HCN1: variants seen among roughly 807,000 people sequenced by gnomAD.
HCN1 encodes the protein potassium/sodium hyperpolarization-activated cyclic nucleotide-gated channel 1.
HCN1 carries 13 observed loss-of-function variants against 78.9 expected under a neutral mutation model. The observed-to-expected ratio is 0.16, with a 90% CI of 0.11 to 0.26. The LOEUF is 0.26. HCN1 is among the 10% of genes least tolerant of loss of function. The pLI is 1.00. For synonymous variants in HCN1, 552 were observed against 455.5 expected (o/e 1.21, Z -2.70); for missense variants, 810 against 1,154.3 (o/e 0.70, Z 4.32).
intron 5 of HCN1, among the ~76,000 whole-genome samples, chr5:45,311,716 C>G (rs2111917407): frequency 6.6e-6 from 1 of 152,286 alleles, no homozygotes; most frequent in South Asian, 2.1e-4. Flanking sequence ...CAGTAATATT[C>G]TTTGCATAAG....
At chr5:45,535,323 C>T (rs1224002732) in intron 2 of HCN1, among the ~76,000 whole-genome samples, 1 of 152,116 alleles carries the variant, frequency 6.6e-6, no homozygotes, top group Non-Finnish European at 1.5e-5. Context: ...GCAGGCTGGG[C>T]ATGGTGGCTC....
intron 2 of HCN1, among the ~76,000 whole-genome samples, chr5:45,552,353 AATATGG>A (rs1200118691): frequency 6.6e-6 from 1 of 151,984 alleles, no homozygotes; most frequent in African/African-American, 2.4e-5. Flanking sequence ...GAACTCGCAT[AATATGG>A]TAGTCAACAA....
intron 2 of HCN1, among the ~76,000 whole-genome samples, chr5:45,627,615 T>C (rs1745194298): frequency 6.6e-6 from 1 of 152,194 alleles, no homozygotes; most frequent in East Asian, 1.9e-4. Flanking sequence ...GTCAAAATAA[T>C]ACCTATCATG....
chr5:45,323,726 C>T lies in HCN1; in HGVS notation c.1378-19887G>A, dbSNP rs546321508. On this transcript the variant is annotated intron_variant, in intron 5 of 7. Coordinates refer to ENST00000303230, the MANE Select transcript of HCN1 (RefSeq NM_021072.4). Reference sequence around the variant, plus strand: ...GCTATCCCTCCCCCATCCCCCAACCCCACGACAGGCCCGGTGTGTGATGTT... The same window carrying T: ...GCTATCCCTCCCCCATCCCCCAACCTCACGACAGGCCCGGTGTGTGATGTT... Among the ~76,000 whole-genome samples, 275 of 151,998 alleles carry T rather than the reference C, an allele frequency of 1.8e-3. 1 individual carries two copies. The highest frequency in any genetic ancestry group is 6.6e-3 in the African/African-American group (272 of 41,492).
At position 45,369,199 on chromosome 5, in the gene HCN1, T is replaced by C. The variant is rs375348638; in HGVS notation, c.1231-15953A>G. Among the ~76,000 whole-genome samples, 45 of 152,204 alleles carry C rather than the reference T, an allele frequency of 3.0e-4. No individual in the cohort carries two copies. The East Asian group carries it at 7.3e-3, about 25-fold the overall frequency. On this transcript the variant is annotated intron_variant, in intron 4 of 7. Transcript: ENST00000303230. ...TATTTCTGAATAATATTCCTGGATCTACTTTTATAATGTATTTACCTGTTC... is the reference window on the plus strand; with the variant it reads ...TATTTCTGAATAATATTCCTGGATCCACTTTTATAATGTATTTACCTGTTC...
intron 1 of HCN1, among the ~76,000 whole-genome samples, chr5:45,692,566 G>C (rs1443516678): frequency 6.6e-6 from 1 of 152,112 alleles, no homozygotes; most frequent in Non-Finnish European, 1.5e-5. Context: ...TATACTATTG[G>C]ACTGCTTTTT....
At chr5:45,373,527 CATACATTATATAGGTCATCTATAATATAT>C (rs1202677908) in intron 4 of HCN1, among the ~76,000 whole-genome samples, 1 of 139,890 alleles carries the variant, frequency 7.1e-6, no homozygotes, top group African/African-American at 2.6e-5. Context: ...ATATATATTA[CATACATTATATAGGTCATCTATAATATAT>C]ATTACATACA....
At position 45,303,624 on chromosome 5, in the gene HCN1, C is replaced by T; in HGVS notation, c.1593G>A (p.Lys531=). The change falls in exon 6 of 8, where the codon AAG becomes AAA. Residue 531 remains lysine, a synonymous_variant. Coordinates refer to ENST00000303230, the MANE Select transcript of HCN1 (RefSeq NM_021072.4). ...CTCCAAAGTAAGAGCCATCTGTCAG[C>T]TTCATTTCTTTACTGGATTTTGTAA... ...GVITKSSKEM[K]LTDGSYFGEI... The T allele has an allele frequency of 1.9e-6, 3 of 1,613,402 alleles. No individual in the cohort carries two copies. Among genetic ancestry groups the T allele is most frequent in the Non-Finnish European group, 2.5e-6 (3 of 1,179,636 alleles).
At chr5:45,533,060 A>G (rs1742892063) in intron 2 of HCN1, among the ~76,000 whole-genome samples, 1 of 152,180 alleles carries the variant, frequency 6.6e-6, no homozygotes, top group Non-Finnish European at 1.5e-5. Flanking sequence ...TCTGACAGCT[A>G]AGATTTCGAG....
intron 2 of HCN1, among the ~76,000 whole-genome samples, chr5:45,631,242 C>T (rs966481638): frequency 5.9e-5 from 9 of 152,148 alleles, no homozygotes; most frequent in African/African-American, 2.2e-4. Flanking sequence ...CTCTGACTCC[C>T]AGTTACTTGG....
At chr5:45,659,113 G>A (rs937411578) in intron 1 of HCN1, among the ~76,000 whole-genome samples, 69 of 152,098 alleles carry the variant, frequency 4.5e-4, no homozygotes, top group African/African-American at 1.3e-3. Flanking sequence ...ATCTGAGAAC[G>A]GGCAGACTGC....
chr5:45,686,136 A>T (rs965140022), intron 1 of HCN1, among the ~76,000 whole-genome samples: 1 of 151,542 alleles, frequency 6.6e-6, no homozygotes, highest in Non-Finnish European at 1.5e-5. Flanking sequence ...TTTTTCTATT[A>T]TAATTGAGAA....
intron 2 of HCN1, among the ~76,000 whole-genome samples, chr5:45,583,501 A>G (rs997737124): frequency 6.6e-6 from 1 of 152,032 alleles, no homozygotes; most frequent in Admixed American, 6.6e-5. Flanking sequence ...GAGTTTTTGA[A>G]GGGTTTTTTG....
chr5:45,385,708 G>T (rs559928261), intron 4 of HCN1, among the ~76,000 whole-genome samples: 1 of 152,112 alleles, frequency 6.6e-6, no homozygotes, highest in Non-Finnish European at 1.5e-5. Flanking sequence ...GTGAAAAATC[G>T]GAGGAATTAA....
intron 5 of HCN1, among the ~76,000 whole-genome samples, chr5:45,325,427 G>A (rs1746216502): frequency 6.6e-6 from 1 of 151,608 alleles, no homozygotes; most frequent in Admixed American, 6.6e-5. Flanking sequence ...CATGATGATT[G>A]TAAATAATAA....
chr5:45,654,163 G>C (rs1396117843), intron 1 of HCN1, among the ~76,000 whole-genome samples: 1 of 152,002 alleles, frequency 6.6e-6, no homozygotes, highest in Non-Finnish European at 1.5e-5. Flanking sequence ...CCAAACATCT[G>C]TTCCTCCCTA....
chr5:45,261,982 G>C lies in HCN1; in HGVS notation c.2612C>G (p.Ser871Cys), dbSNP rs1744747998. The change falls in exon 8 of 8, where the codon TCT (serine) becomes TGT (cysteine). Residue 871 changes from serine (S) to cysteine (C), a missense_variant. Coordinates refer to ENST00000303230, the MANE Select transcript of HCN1 (RefSeq NM_021072.4). Reference protein sequence around the residue: ...PPPAAALPRESSSVLNTDPDA... With the variant: ...PPPAAALPRECSSVLNTDPDA... ...TGGGTCTGTGTTTAAGACTGAGGAA[G>C]ATTCTCTTGGAAGAGCAGCTGCTGG... 1.2e-6 allele frequency: 2 copies of C among 1,614,048 alleles called. No homozygotes were observed. The highest frequency in any genetic ancestry group is 1.7e-6 in the Non-Finnish European group (2 of 1,180,044).
chr5:45,695,896 G>A lies in HCN1; in HGVS notation c.198C>T (p.Gly66=), dbSNP rs1037432166. 1.3e-6 allele frequency: 2 copies of A among 1,511,464 alleles called. No individual in the cohort carries two copies. The highest frequency in any genetic ancestry group is 2.2e-5 in the Admixed American group (1 of 45,774). The allele number at this position is 1,511,464 out of a possible 1,614,324, so 93.6% of individuals were successfully genotyped here. ...SVCFKVDGGG[G]GGGGGGGGEE... is the part of the protein sequence containing the mutation. ...CGCCGCCGCCGCCGCCGCCGCCACC[G>A]CCGCCACCGCCGTCCACCTTGAAGC... The change falls in exon 1 of 8, where the codon GGC becomes GGT. Residue 66 remains glycine, a synonymous_variant. Coordinates refer to ENST00000303230, the MANE Select transcript of HCN1 (RefSeq NM_021072.4).
At chr5:45,482,706 G>A (rs1741678798) in intron 2 of HCN1, among the ~76,000 whole-genome samples, 1 of 152,082 alleles carries the variant, frequency 6.6e-6, no homozygotes, top group East Asian at 1.9e-4. Context: ...TATGAATCCC[G>A]TCACCCAGGT....
Sources: gnomAD v4.1 joint callset for allele counts (sites outside exome capture counted in the v4.1 genomes callset) on GRCh38, gnomAD v4.1.1 for gene constraint, MANE v1.5 for transcripts, NCBI Gene and HGNC (gene_info 2026-07-23, HGNC 2026-07-21) for gene names.